COLEC12: variants seen among roughly 807,000 people sequenced by gnomAD.
COLEC12 encodes the protein collectin-12.
In COLEC12, 33 loss-of-function variants were observed where a neutral mutation model predicts 71.1. The ratio of observed to expected loss-of-function variants is 0.46; its 90% CI spans 0.35 to 0.62. COLEC12 has a LOEUF of 0.62. Ranked by LOEUF, COLEC12 falls within the 20% of genes least tolerant of loss-of-function variation. The pLI is 0.00. For missense variants in COLEC12, 765 were observed against 916.1 expected (o/e 0.84, Z 2.13); for synonymous variants, 350 against 353.0 (o/e 0.99, Z 0.10).
At chr18:442,002 T>TACACACACAGAC (rs1555620304) in intron 2 of COLEC12, among the ~76,000 whole-genome samples, 5 of 120,744 alleles carry the variant, frequency 4.1e-5, no homozygotes, top group African/African-American at 1.2e-4. Context: ...TCTCTCTCTC[T>TACACACACAGAC]ACACACACAC....
intron 2 of COLEC12, among the ~76,000 whole-genome samples, chr18:407,915 T>C (rs1014991990): frequency 8.5e-5 from 13 of 152,132 alleles, no homozygotes; most frequent in South Asian, 2.1e-4. Flanking sequence ...CTCTGGGGAG[T>C]GGGGCCTGAC....
chr18:320,410 C>T lies in COLEC12; in HGVS notation c.2210-346G>A, dbSNP rs114956419. Among the ~76,000 whole-genome samples, 528 of 152,280 alleles carry T rather than the reference C, an allele frequency of 3.5e-3. 4 individuals carry two copies. The highest frequency in any genetic ancestry group is 0.012 in the African/African-American group (497 of 41,548). ...CTGTGTTTTTCCCCCTCAACTGACC[C>T]AGCTGTGAGTTCCTATGTGTCTTAA... On this transcript the variant is annotated intron_variant, in intron 9 of 9. Coordinates refer to ENST00000400256, the MANE Select transcript of COLEC12 (RefSeq NM_130386.3).
intron 8 of COLEC12, among the ~76,000 whole-genome samples, chr18:325,518 G>GT (rs979861599): frequency 1.7e-4 from 25 of 151,474 alleles, no homozygotes; most frequent in East Asian, 3.9e-4. Context: ...CCCAGGTCCC[G>GT]TATGTGTCCG....
At chr18:367,967 G>A (rs552160826) in intron 2 of COLEC12, among the ~76,000 whole-genome samples, 2 of 152,312 alleles carry the variant, frequency 1.3e-5, no homozygotes, top group South Asian at 4.1e-4. Flanking sequence ...AAAGGGGGAT[G>A]GGGAGAGAAA....
intron 1 of COLEC12, among the ~76,000 whole-genome samples, chr18:489,086 C>G (rs1266064395): frequency 6.6e-6 from 1 of 151,952 alleles, no homozygotes; most frequent in Non-Finnish European, 1.5e-5. Context: ...GGCTCATCAT[C>G]ATAAAATTTC....
intron 2 of COLEC12, among the ~76,000 whole-genome samples, chr18:413,411 G>GGTAC (rs1435011926): frequency 3.9e-5 from 6 of 152,322 alleles, no homozygotes; most frequent in African/African-American, 1.4e-4. Flanking sequence ...AATGTAAAAT[G>GGTAC]GTACAGTCAC....
chr18:356,283 C>T (rs574900365), intron 3 of COLEC12, among the ~76,000 whole-genome samples: 2 of 152,242 alleles, frequency 1.3e-5, no homozygotes, highest in African/African-American at 4.8e-5. Context: ...GATAAGAAAT[C>T]AGAAGCTCTA....
chr18:400,154 T>C (rs2143612380), intron 2 of COLEC12, among the ~76,000 whole-genome samples: 1 of 152,154 alleles, frequency 6.6e-6, no homozygotes, highest in Middle Eastern at 3.4e-3. Context: ...ATCTAGGAGA[T>C]GGAAAGGGTC....
At chr18:430,208 C>T (rs776431411) in intron 2 of COLEC12, among the ~76,000 whole-genome samples, 2 of 151,958 alleles carry the variant, frequency 1.3e-5, no homozygotes, top group Admixed American at 1.3e-4. Context: ...TGGTGGCGCA[C>T]CTGTAGTCCC....
chr18:500,647 C>T lies in COLEC12; in HGVS notation c.-133G>A, dbSNP rs1174288180. Reference sequence around the variant, plus strand: ...GCGCGCCGGCCGTCTGCGCCCCCGTCCTCCCTCGCCGCCGCCGGCCCGCGC... The same window carrying T: ...GCGCGCCGGCCGTCTGCGCCCCCGTTCTCCCTCGCCGCCGCCGGCCCGCGC... On this transcript the variant is annotated 5_prime_UTR_variant, in exon 1 of 10. Coordinates refer to ENST00000400256, the MANE Select transcript of COLEC12 (RefSeq NM_130386.3). This position sits in a 1 kb window ranked among gnomAD's most constrained non-coding sequence, Gnocchi z 5.3. The T allele has an allele frequency of 6.2e-6, 4 of 641,976 alleles. No homozygotes were observed. The highest frequency in any genetic ancestry group is 8.3e-6 in the Non-Finnish European group (4 of 482,776). 39.8% of individuals were successfully genotyped at this position (641,976 alleles called of 1,614,324 possible). A position where few individuals can be genotyped will look rare whatever the true frequency, so the allele number is the denominator to read the frequency against.
At chr18:464,576 GAATT>G (rs1917049666) in intron 2 of COLEC12, among the ~76,000 whole-genome samples, 2 of 152,186 alleles carry the variant, frequency 1.3e-5, no homozygotes, top group East Asian at 1.9e-4. Flanking sequence ...ACTTTCTGCA[GAATT>G]AATAACTTCA....
intron 2 of COLEC12, among the ~76,000 whole-genome samples, chr18:449,767 G>A (rs1016448226): frequency 6.6e-6 from 1 of 152,128 alleles, no homozygotes; most frequent in African/African-American, 2.4e-5. Flanking sequence ...CTGCCCTCAT[G>A]GGGCCCTTCT....
At chr18:400,005 A>G (rs1288985858) in intron 2 of COLEC12, among the ~76,000 whole-genome samples, 4 of 152,172 alleles carry the variant, frequency 2.6e-5, no homozygotes, top group African/African-American at 9.7e-5. Context: ...AGAAAATCCC[A>G]TGACATAGTT....
At chr18:372,115 C>T (rs1047294372) in intron 2 of COLEC12, among the ~76,000 whole-genome samples, 7 of 152,162 alleles carry the variant, frequency 4.6e-5, no homozygotes, top group African/African-American at 1.7e-4. Context: ...GCCTATCCCA[C>T]CTCCCCCCAT....
In COLEC12 at chr18:390,690, G is replaced by A. The variant is rs372255706; in HGVS notation, c.59-33168C>T. Among the ~76,000 whole-genome samples, 18 of 152,198 alleles carry A rather than the reference G, an allele frequency of 1.2e-4. No individual in the cohort carries two copies. In the East Asian group the frequency reaches 1.9e-3, roughly 16 times the overall value. On this transcript the variant is annotated intron_variant, in intron 2 of 9. Transcript: ENST00000400256. ...CAGGAGAATTGCTTGAACCTGGGAGGGGGAGGTTGCAGTGAGCCGAGATTG... is the reference window on the plus strand; with the variant it reads ...CAGGAGAATTGCTTGAACCTGGGAGAGGGAGGTTGCAGTGAGCCGAGATTG...
At position 317,078 on chromosome 18, in the gene COLEC12, G is replaced by A. The variant is rs1051421290; in HGVS notation, c.*2967C>T. On this transcript the variant is annotated 3_prime_UTR_variant, in exon 10 of 10. Transcript: ENST00000400256. ...GTCTCTACTAAAAACACAAAAATTA[G>A]CCTGGCATGGTGGCACGCACCTGTA... The A allele has an allele frequency of 2.6e-5, 4 of 152,206 alleles. No homozygotes were observed. The highest frequency in any genetic ancestry group is 5.9e-5 in the Non-Finnish European group (4 of 68,086). 9.4% of individuals were successfully genotyped at this position (152,206 alleles called of 1,614,324 possible).
intron 2 of COLEC12, among the ~76,000 whole-genome samples, chr18:479,414 G>A (rs1917368025): frequency 6.6e-6 from 1 of 152,136 alleles, no homozygotes; most frequent in Non-Finnish European, 1.5e-5. Context: ...GTGTCCAGAA[G>A]GAAAAATGCT....
chr18:441,853 A>T (rs1034400121), intron 2 of COLEC12, among the ~76,000 whole-genome samples: 2 of 151,932 alleles, frequency 1.3e-5, no homozygotes, highest in East Asian at 3.9e-4. Context: ...ACAAAAAATT[A>T]GCCAGGTGTG....
chr18:397,039 A>T (rs190274787), intron 2 of COLEC12, among the ~76,000 whole-genome samples: 3 of 152,282 alleles, frequency 2.0e-5, no homozygotes, highest in Admixed American at 2.0e-4. Context: ...CAGATCTTGG[A>T]TGGACCTTGT....
Sources: gnomAD v4.1 joint callset for allele counts (sites outside exome capture counted in the v4.1 genomes callset) on GRCh38, gnomAD v4.1.1 for gene constraint, Gnocchi (gnomAD v3.1) non-coding constraint, MANE v1.5 for transcripts, NCBI Gene and HGNC (gene_info 2026-07-23, HGNC 2026-07-21) for gene names.